Variants in ZNF454 observed in about 807,000 individuals in gnomAD.
The protein encoded by ZNF454 is zinc finger protein 454.
Under a neutral mutation model 48.2 loss-of-function variants are expected in ZNF454, and 30 were observed. The ratio of observed to expected loss-of-function variants is 0.62; its 90% CI spans 0.47 to 0.84. ZNF454 has a LOEUF of 0.84. ZNF454 is among the 40% of genes least tolerant of loss of function. The pLI is 0.00. For synonymous variants in ZNF454, 204 were observed against 211.4 expected (o/e 0.97, Z 0.30); for missense variants, 510 against 623.1 (o/e 0.82, Z 1.93).
Position 178,945,312 on chromosome 5 carries a change from CTGTG to C in ZNF454, c.34-1045_34-1042del, listed in dbSNP as rs760591794. On this transcript the variant is annotated intron_variant, in intron 2 of 4. Transcript: ENST00000519564. ...GCGCACTTGTGTGGTACGTGTCTGT[CTGTG>C]TATGTTTGTGTGTGTTTGTATGTGG... Among the ~76,000 whole-genome samples the C allele has an allele frequency of 1.2e-4, 18 of 147,398 alleles. No individual in the cohort carries two copies. In the East Asian group the frequency reaches 2.7e-3, roughly 22 times the overall value.
rs1276859886 is a variant in ZNF454 at position 178,944,585 on chromosome 5, A to G, written c.33+1761A>G. Reference sequence around the variant, plus strand: ...TGGGCCAAGTCTCTGGGTGCAGGTAACGGAAACCTAATTCAGACTGCCTCA... The same window carrying G: ...TGGGCCAAGTCTCTGGGTGCAGGTAGCGGAAACCTAATTCAGACTGCCTCA... On this transcript the variant is annotated intron_variant, in intron 2 of 4. Transcript: ENST00000519564. The surrounding 1 kb of genome is among the most constrained non-coding windows in gnomAD (Gnocchi z 4.1). 6.6e-6 allele frequency among the ~76,000 whole-genome samples: 1 copy of G among 152,226 alleles called. No individual in the cohort carries two copies. The highest frequency in any genetic ancestry group is 6.5e-5 in the Admixed American group (1 of 15,278).
At chr5:178,977,768 C>T in the ZNF454 span, among the ~76,000 whole-genome samples, 1 of 151,926 alleles carries the variant, frequency 6.6e-6, no homozygotes, top group Non-Finnish European at 1.5e-5. Context: ...GGTGTTTTGC[C>T]GAGATGGTGT....
the ZNF454 span, chr5:178,982,915 C>T: frequency 6.2e-7 from 1 of 1,613,202 alleles, no homozygotes; most frequent in Non-Finnish European, 8.5e-7. Flanking sequence ...ATTACCTTTT[C>T]AGCTGACTGG....
chr5:178,977,210 A>G, the ZNF454 span, among the ~76,000 whole-genome samples: 3 of 152,160 alleles, frequency 2.0e-5, no homozygotes, highest in African/African-American at 7.2e-5. Flanking sequence ...TGTTGCTCCA[A>G]AATGCATATG....
the ZNF454 span, chr5:178,981,887 C>T: frequency 1.5e-6 from 2 of 1,308,904 alleles, no homozygotes; most frequent in Admixed American, 3.4e-5. The surrounding 1 kb of genome is among the most constrained non-coding windows in gnomAD (Gnocchi z 5.1). Flanking sequence ...AGATGGGACT[C>T]AGCCCTGCTC....
chr5:178,981,813 C>G, the ZNF454 span: 6 of 1,613,404 alleles, frequency 3.7e-6, no homozygotes, highest in Non-Finnish European at 5.1e-6. The surrounding 1 kb of genome is among the most constrained non-coding windows in gnomAD (Gnocchi z 5.1). Context: ...CCGAGGCACT[C>G]AGGCTCAAGG....
the ZNF454 span, among the ~76,000 whole-genome samples, chr5:178,976,431 T>C: frequency 6.6e-6 from 1 of 152,136 alleles, no homozygotes; most frequent in African/African-American, 2.4e-5. Flanking sequence ...CAAGGGTACC[T>C]GTGGGACCAA....
the ZNF454 span, chr5:178,986,548 G>A: frequency 4.1e-4 from 653 of 1,607,604 alleles, 2 homozygotes; most frequent in Middle Eastern, 9.9e-4. Flanking sequence ...GCGGCAGCCC[G>A]TGTGGTTGGG....
chr5:178,965,728 T>C lies in ZNF454; in HGVS notation c.1324T>C (p.Cys442Arg), dbSNP rs1339739134. 3 of 1,614,036 alleles carry C rather than the reference T, an allele frequency of 1.9e-6. No individual in the cohort carries two copies. The highest frequency in any genetic ancestry group is 1.3e-5 in the African/African-American group (1 of 74,936). Residue 442 changes from cysteine (C) to arginine (R), a missense_variant, in exon 5 of 5, where the codon TGT (cysteine) becomes CGT (arginine). By Grantham distance (180) the Cys-to-Arg change is radical (BLOSUM62 -3). Transcript: ENST00000519564. The surrounding 1 kb of genome is among the most constrained non-coding windows in gnomAD (Gnocchi z 5.2). ...RIHTGEKPYTCNICEKAFSDH... is the reference protein window; with the variant it reads ...RIHTGEKPYTRNICEKAFSDH... ...TCATACTGGGGAAAAACCTTATACA[T>C]GTAACATATGTGAAAAAGCCTTCAG... is the stretch of plus-strand genomic sequence containing the variant.
At chr5:178,981,725 G>T in the ZNF454 span, 2 of 1,614,034 alleles carry the variant, frequency 1.2e-6, no homozygotes, top group South Asian at 2.2e-5. This position sits in a 1 kb window ranked among gnomAD's most constrained non-coding sequence, Gnocchi z 5.1. Context: ...TTGAGGCTCC[G>T]CTTTCGCTTC....
At chr5:178,961,337 G>A (rs1760007608) in intron 4 of ZNF454, among the ~76,000 whole-genome samples, 1 of 148,192 alleles carries the variant, frequency 6.7e-6, no homozygotes, top group African/African-American at 2.6e-5. Flanking sequence ...TAAATTCCTT[G>A]TCCTTTTTTC....
At chr5:178,966,582 T>G (rs1760164323), downstream of ZNF454, 1 of 152,168 alleles carries the variant, frequency 6.6e-6, no homozygotes, top group Admixed American at 6.5e-5. Context: ...TTTATCAAAT[T>G]ACATTTTGAC....
intron 4 of ZNF454, among the ~76,000 whole-genome samples, chr5:178,957,490 A>C (rs527465781): frequency 1.3e-5 from 2 of 151,890 alleles, no homozygotes; most frequent in Non-Finnish European, 2.9e-5. Flanking sequence ...GCTCACTGCA[A>C]GCTCCACCTC....
intron 2 of ZNF454, 113 bp downstream of exon 2, chr5:178,942,937 C>T: frequency 1.7e-6 from 2 of 1,206,990 alleles, no homozygotes; most frequent in South Asian, 3.1e-5. Flanking sequence ...AGACACTGAC[C>T]TCAGTTGCCT....
Position 178,941,566 on chromosome 5 carries a change from A to G in ZNF454, c.-108+122A>G, listed in dbSNP as rs1759090591. 5 of 447,654 alleles carry G rather than the reference A, an allele frequency of 1.1e-5. No individual in the cohort carries two copies. Among genetic ancestry groups the G allele is most frequent in the Non-Finnish European group, 1.8e-5 (4 of 221,978 alleles). 27.7% of individuals were successfully genotyped at this position (447,654 alleles called of 1,614,324 possible). ...CCAGGGCCTCTGGCATGTGTCTTGG[A>G]GCGGACTCCGAGAAGCCCAGGGTTT... On this transcript the variant is annotated intron_variant, in intron 1 of 4. Transcript: ENST00000519564. The surrounding 1 kb of genome is among the most constrained non-coding windows in gnomAD (Gnocchi z 5.5).
rs1230611426 is a variant in ZNF454, at chr5:178,941,794, C to T, written c.-108+350C>T. On this transcript the variant is annotated intron_variant, in intron 1 of 4. Coordinates refer to ENST00000519564, the MANE Select transcript of ZNF454 (RefSeq NM_001178089.3). This position sits in a 1 kb window ranked among gnomAD's most constrained non-coding sequence, Gnocchi z 5.5. ...CGCCCAGCTCACACAAACGCCGCTT[C>T]TGCCCACCCGTGACTCCAGGCCACC... Among the ~76,000 whole-genome samples, 1 of 152,186 alleles carries T rather than the reference C, an allele frequency of 6.6e-6. No individual in the cohort carries two copies. Among genetic ancestry groups the T allele is most frequent in the Admixed American group, 6.5e-5 (1 of 15,282 alleles).
chr5:178,951,251 A>T (rs995168220), intron 4 of ZNF454, among the ~76,000 whole-genome samples: 2 of 152,236 alleles, frequency 1.3e-5, no homozygotes, highest in African/African-American at 4.8e-5. Flanking sequence ...ATTTATTTTG[A>T]ATATCGTACA....
In ZNF454 at chr5:178,946,634, C is replaced by T; in HGVS notation, c.160+149C>T. 8.6e-7 allele frequency: 1 copy of T among 1,161,182 alleles called. No homozygotes were observed. The highest frequency in any genetic ancestry group is 1.2e-6 in the Non-Finnish European group (1 of 837,864). The allele number at this position is 1,161,182 out of a possible 1,614,324, so 71.9% of individuals were successfully genotyped here. On this transcript the variant is annotated intron_variant, in intron 3 of 4. Coordinates refer to ENST00000519564, the MANE Select transcript of ZNF454 (RefSeq NM_001178089.3). This position sits in a 1 kb window ranked among gnomAD's most constrained non-coding sequence, Gnocchi z 4.5. The stretch of plus-strand genomic sequence containing the variant: ...TTTTACCTGTCCTTGGTGTCCTGGG[C>T]ACAGGCCTCTTTTGGAGTCCACTGC...
intron 4 of ZNF454, 98 bp from the exon 5 acceptor site, chr5:178,964,557 A>T: frequency 1.0e-6 from 1 of 957,594 alleles, no homozygotes. Context: ...TTCAAACTTG[A>T]AATCTTTCTG....
Sources: gnomAD v4.1 joint callset for allele counts (sites outside exome capture counted in the v4.1 genomes callset) on GRCh38, gnomAD v4.1.1 for gene constraint, Gnocchi (gnomAD v3.1) non-coding constraint, MANE v1.5 for transcripts, NCBI Gene and HGNC (gene_info 2026-07-23, HGNC 2026-07-21) for gene names.